Variants in CFAP54 observed in about 807,000 individuals in gnomAD.
The protein encoded by CFAP54 is cilia- and flagella-associated protein 54.
Under a neutral mutation model 370.4 loss-of-function variants are expected in CFAP54, and 290 were observed. The observed-to-expected ratio is 0.78, with a 90% CI of 0.71 to 0.86. The LOEUF is 0.86. CFAP54 is among the 40% of genes least tolerant of loss of function. The pLI is 0.00. For synonymous variants in CFAP54, 1,206 were observed against 1,236.5 expected (o/e 0.98, Z 0.52); for missense variants, 3,399 against 3,528.7 (o/e 0.96, Z 0.93).
intron 2 of CFAP54, among the ~76,000 whole-genome samples, chr12:96,502,977 C>T (rs1955047300): frequency 6.6e-6 from 1 of 152,054 alleles, no homozygotes; most frequent in African/African-American, 2.4e-5. Context: ...ATTTTCTCTT[C>T]TTTGGTTCCC....
intron 14 of CFAP54, among the ~76,000 whole-genome samples, chr12:96,543,606 T>C (rs1955602608): frequency 6.6e-6 from 1 of 151,868 alleles, no homozygotes; most frequent in African/African-American, 2.4e-5. Flanking sequence ...ATGGACATTA[T>C]TGCTAAGCAT....
chr12:96,612,261 A>AC (rs1478801787), intron 26 of CFAP54, among the ~76,000 whole-genome samples: 3 of 152,346 alleles, frequency 2.0e-5, no homozygotes, highest in Admixed American at 1.3e-4. Context: ...AGAATTTTAA[A>AC]CCTAGAATTT....
chr12:96,850,870 A>G (rs190807293), intron 66 of CFAP54, among the ~76,000 whole-genome samples: 1,702 of 152,274 alleles, frequency 0.011, 80 homozygotes, highest in East Asian at 0.11. Flanking sequence ...CCTCGCTATC[A>G]GGAGAACAGC....
intron 34 of CFAP54, among the ~76,000 whole-genome samples, chr12:96,648,348 T>C (rs550007377): frequency 2.0e-5 from 3 of 152,284 alleles, no homozygotes; most frequent in Non-Finnish European, 2.9e-5. Flanking sequence ...TGCTATTGGG[T>C]ATTATGTTTT....
In CFAP54 at chr12:96,576,721, C is replaced by T; in HGVS notation, c.2756C>T (p.Ser919Phe). The T allele has an allele frequency of 1.3e-6, 2 of 1,535,810 alleles. No individual in the cohort carries two copies. The highest frequency in any genetic ancestry group is 1.7e-6 in the Non-Finnish European group (2 of 1,146,666). The stretch of plus-strand genomic sequence containing the variant: ...ATCCTGCTGTCTCGAACTCATTGTT[C>T]TGTGACACTCAAACCTGCTCCATTT... ...PPILLSRTHCSVTLKPAPFTS... is the reference protein window; with the variant it reads ...PPILLSRTHCFVTLKPAPFTS... Residue 919 changes from serine to phenylalanine, a missense_variant, in exon 20 of 68, where the codon TCT becomes TTT. Transcript: ENST00000524981.
At chr12:96,576,482 G>A in intron 19 of CFAP54, 103 bp from the exon 20 acceptor site, 1 of 904,168 alleles carries the variant, frequency 1.1e-6, no homozygotes, top group Non-Finnish European at 1.6e-6. Context: ...TTGAAAAACT[G>A]CATATAAAAA....
chr12:96,856,306 C>T (rs992220649), intron 66 of CFAP54, among the ~76,000 whole-genome samples: 3 of 152,194 alleles, frequency 2.0e-5, no homozygotes, highest in Non-Finnish European at 2.9e-5. Flanking sequence ...ACATTTGGCT[C>T]CTTTTTACTT....
intron 50 of CFAP54, among the ~76,000 whole-genome samples, chr12:96,729,073 G>A (rs1957881970): frequency 6.6e-6 from 1 of 152,168 alleles, no homozygotes; most frequent in East Asian, 1.9e-4. Context: ...CATGTGAGGT[G>A]TCAGTCTGCC....
Position 96,787,914 on chromosome 12 carries a change from T to G in CFAP54, c.8679+1016T>G, listed in dbSNP as rs191134810. Among the ~76,000 whole-genome samples, 6 of 152,112 alleles carry G rather than the reference T, an allele frequency of 3.9e-5. No individual in the cohort carries two copies. In the East Asian group the frequency reaches 1.2e-3, roughly 29 times the overall value. ...ATAGATGAAAAAGTGAGGTTTTTTT[T>G]TTTTGGTTTTTTTTTTGAGACAGAG... On this transcript the variant is annotated intron_variant, in intron 62 of 67. Transcript: ENST00000524981.
At chr12:96,774,873 T>A (rs576029714) in intron 60 of CFAP54, among the ~76,000 whole-genome samples, 39 of 152,268 alleles carry the variant, frequency 2.6e-4, no homozygotes, top group African/African-American at 8.9e-4. Flanking sequence ...TTTAAAAAAA[T>A]TATTTCTATT....
intron 14 of CFAP54, among the ~76,000 whole-genome samples, chr12:96,544,176 T>A (rs1420921694): frequency 6.6e-6 from 1 of 151,276 alleles, no homozygotes; most frequent in Non-Finnish European, 1.5e-5. Flanking sequence ...TTTGTATGTT[T>A]TATATATATA....
intron 60 of CFAP54, among the ~76,000 whole-genome samples, chr12:96,773,415 T>A (rs1268015500): frequency 1.3e-5 from 2 of 152,270 alleles, no homozygotes; most frequent in African/African-American, 2.4e-5. Flanking sequence ...ATGAATGCAC[T>A]GAATTTATAA....
At chr12:96,492,943 C>T (rs926598085) in intron 1 of CFAP54, among the ~76,000 whole-genome samples, 5 of 150,650 alleles carry the variant, frequency 3.3e-5, no homozygotes, top group South Asian at 2.1e-4. Context: ...GCCAGTGTGC[C>T]GAGATCATGC....
At chr12:96,749,875 A>G (rs1263930018) in intron 55 of CFAP54, among the ~76,000 whole-genome samples, 1 of 152,106 alleles carries the variant, frequency 6.6e-6, no homozygotes, top group Non-Finnish European at 1.5e-5. Context: ...ATTGTGGGTC[A>G]TGTCTAGCTG....
At chr12:96,582,184 AT>A (rs1956039033) in intron 22 of CFAP54, among the ~76,000 whole-genome samples, 2 of 152,196 alleles carry the variant, frequency 1.3e-5, no homozygotes, top group Non-Finnish European at 2.9e-5. Flanking sequence ...TGCCTGTCAA[AT>A]ATTATCACAC....
chr12:96,497,433 A>G (rs980091061), intron 1 of CFAP54, among the ~76,000 whole-genome samples: 2 of 152,254 alleles, frequency 1.3e-5, no homozygotes, highest in East Asian at 3.8e-4. Flanking sequence ...GTGAAAGAAT[A>G]GACAAATCTA....
At chr12:96,497,849 A>G (rs1221583496) in intron 1 of CFAP54, among the ~76,000 whole-genome samples, 1 of 152,254 alleles carries the variant, frequency 6.6e-6, no homozygotes, top group Admixed American at 6.5e-5. Context: ...TACGTAGATA[A>G]GACCCCTATA....
At chr12:96,561,671 C>A (rs1955817485) in intron 17 of CFAP54, among the ~76,000 whole-genome samples, 1 of 145,842 alleles carries the variant, frequency 6.9e-6, no homozygotes, top group African/African-American at 2.5e-5. Flanking sequence ...ATTGAGATGT[C>A]AATGGCTCCT....
chr12:96,694,220 T>C (rs989553935), intron 45 of CFAP54, among the ~76,000 whole-genome samples: 1 of 152,216 alleles, frequency 6.6e-6, no homozygotes, highest in African/African-American at 2.4e-5. Context: ...CAAGATCAGA[T>C]AGATGCTAAA....
Sources: gnomAD v4.1 joint callset for allele counts (sites outside exome capture counted in the v4.1 genomes callset) on GRCh38, gnomAD v4.1.1 for gene constraint, MANE v1.5 for transcripts, NCBI Gene and HGNC (gene_info 2026-07-23, HGNC 2026-07-21) for gene names.